The following AGBL1 variants were observed in gnomAD, a reference collection of about 807,000 sequenced individuals.
The protein encoded by AGBL1 is AGBL carboxypeptidase 1, also known as cytosolic carboxypeptidase 4.
In AGBL1, 130 loss-of-function variants were observed where a neutral mutation model predicts 118.9. The observed-to-expected ratio is 1.09, with a 90% CI of 0.95 to 1.26. The LOEUF is 1.26. Among genes scored for constraint, AGBL1 ranks in the 50% most tolerant of loss-of-function variants. The pLI, the probability that AGBL1 is intolerant of heterozygous loss-of-function variation, is 0.00. For synonymous variants in AGBL1, 555 were observed against 478.9 expected, an observed-to-expected ratio of 1.16 and a Z score of -2.08; for missense variants, 1,584 against 1,298.1, an observed-to-expected ratio of 1.22 and a Z score of -3.38.
chr15:86,080,620 A>G (rs569805308), intron 1 of AGBL1, among the ~76,000 whole-genome samples: 5 of 152,258 alleles, frequency 3.3e-5, no homozygotes, highest in African/African-American at 1.2e-4. Flanking sequence ...AATTTTGAGA[A>G]TTCTTGTTCT....
intron 17 of AGBL1, among the ~76,000 whole-genome samples, chr15:86,359,064 T>C: frequency 6.6e-6 from 1 of 152,018 alleles, no homozygotes; most frequent in Non-Finnish European, 1.5e-5. Context: ...TTGTTGACTG[T>C]GCTTTAAGAG....
chr15:86,741,407 A>AAAAAAAAAAAAAAAAAAAAAAAAAAC (rs2077677072), intron 22 of AGBL1, among the ~76,000 whole-genome samples: 1 of 133,062 alleles, frequency 7.5e-6, no homozygotes, highest in Non-Finnish European at 1.6e-5. Context: ...AAAAAAAAAA[A>AAAAAAAAAAAAAAAAAAAAAAAAAAC]AAAAAAAAAA....
intron 18 of AGBL1, among the ~76,000 whole-genome samples, chr15:86,458,929 A>C (rs2082295527): frequency 6.6e-6 from 1 of 152,198 alleles, no homozygotes; most frequent in South Asian, 2.1e-4. Context: ...AGCCTTTATG[A>C]ATTAATTATA....
chr15:86,666,217 G>T (rs1596350417), intron 21 of AGBL1, among the ~76,000 whole-genome samples: 1 of 151,860 alleles, frequency 6.6e-6, no homozygotes, highest in South Asian at 2.1e-4. Flanking sequence ...CTGTCTCTTG[G>T]TCCTAGGATT....
chr15:86,893,862 C>T (rs2080085610), intron 22 of AGBL1, among the ~76,000 whole-genome samples: 1 of 152,146 alleles, frequency 6.6e-6, no homozygotes, highest in African/African-American at 2.4e-5. Flanking sequence ...CTATGGCATT[C>T]ATTTCTATGT....
intron 9 of AGBL1, among the ~76,000 whole-genome samples, chr15:86,259,265 G>A (rs2078945792): frequency 6.6e-6 from 1 of 152,108 alleles, no homozygotes; most frequent in South Asian, 2.1e-4. Context: ...CCTAGTTGAG[G>A]ACTACTGCTC....
chr15:86,192,956 G>GCAC (rs1487943193), intron 5 of AGBL1, among the ~76,000 whole-genome samples: 1 of 151,814 alleles, frequency 6.6e-6, no homozygotes, highest in Non-Finnish European at 1.5e-5. Flanking sequence ...GCACACATAA[G>GCAC]CACCAAAAAG....
At chr15:86,446,926 G>A (rs2082127766) in intron 18 of AGBL1, among the ~76,000 whole-genome samples, 2 of 152,182 alleles carry the variant, frequency 1.3e-5, no homozygotes, top group Non-Finnish European at 2.9e-5. Flanking sequence ...TGTTACAGAA[G>A]CAAATAAAGG....
At chr15:86,414,687 T>G (rs1293399620) in intron 18 of AGBL1, among the ~76,000 whole-genome samples, 1 of 152,198 alleles carries the variant, frequency 6.6e-6, no homozygotes, top group Non-Finnish European at 1.5e-5. Flanking sequence ...TGCCATTTCC[T>G]GAAGTTATTT....
chr15:86,392,616 A>G (rs1376770771), intron 17 of AGBL1, among the ~76,000 whole-genome samples: 1 of 152,182 alleles, frequency 6.6e-6, no homozygotes, highest in Non-Finnish European at 1.5e-5. Context: ...TTGGGTACAC[A>G]TGTTTATCAT....
chr15:86,433,213 C>T (rs2081957176), intron 18 of AGBL1, among the ~76,000 whole-genome samples: 1 of 144,830 alleles, frequency 6.9e-6, no homozygotes, highest in African/African-American at 2.6e-5. Flanking sequence ...TCCTTTCCTC[C>T]TCTTCTTCTT....
chr15:86,235,729 T>G (rs1174966060), intron 6 of AGBL1, among the ~76,000 whole-genome samples: 1 of 152,238 alleles, frequency 6.6e-6, no homozygotes, highest in Non-Finnish European at 1.5e-5. Context: ...CGGGTAAATA[T>G]TTAATTATTC....
At chr15:86,714,696 A>G (rs926333391) in intron 22 of AGBL1, among the ~76,000 whole-genome samples, 2 of 152,168 alleles carry the variant, frequency 1.3e-5, no homozygotes, top group African/African-American at 4.8e-5. Flanking sequence ...CTTGTTGTCA[A>G]TAACCCTCTG....
chr15:86,240,074 G>T (rs546673305), intron 6 of AGBL1, among the ~76,000 whole-genome samples: 20 of 152,276 alleles, frequency 1.3e-4, no homozygotes, highest in Non-Finnish European at 2.4e-4. Context: ...GATTTCATTT[G>T]AATCCTAGAT....
intron 18 of AGBL1, among the ~76,000 whole-genome samples, chr15:86,456,771 G>A (rs2082264611): frequency 6.6e-6 from 1 of 152,114 alleles, no homozygotes; most frequent in South Asian, 2.1e-4. Context: ...TTTAAGAAAG[G>A]AATTGTGATT....
intron 18 of AGBL1, among the ~76,000 whole-genome samples, chr15:86,466,499 T>C (rs972405594): frequency 2.0e-5 from 3 of 152,226 alleles, no homozygotes; most frequent in African/African-American, 7.2e-5. Flanking sequence ...TTCTGTCAAT[T>C]GTCAAACTCA....
chr15:86,776,785 T>A lies in AGBL1; in HGVS notation c.3158+102349T>A, dbSNP rs890857064. Among the ~76,000 whole-genome samples the A allele has an allele frequency of 8.3e-4, 108 of 129,536 alleles. 2 individuals carry two copies. Among genetic ancestry groups the A allele is most frequent in the Middle Eastern group, 4.0e-3 (1 of 248 alleles). The allele number at this position is 129,536 out of a possible 152,430, so 85.0% of individuals were successfully genotyped here. ...GTGTGTGTGTGTGTGTGTGTGTGTGTGTGTGAGAGAGAGAGAGAATTAAGG... is the reference window on the plus strand; with the variant it reads ...GTGTGTGTGTGTGTGTGTGTGTGTGAGTGTGAGAGAGAGAGAGAATTAAGG... On this transcript the variant is annotated intron_variant, in intron 22 of 22. Coordinates refer to ENST00000614907, the MANE Select transcript of AGBL1 (RefSeq NM_001386094.1).
intron 1 of AGBL1, among the ~76,000 whole-genome samples, chr15:86,123,747 A>G (rs1356881278): frequency 1.3e-5 from 2 of 152,244 alleles, no homozygotes; most frequent in Admixed American, 6.5e-5. Flanking sequence ...TAAAGGGTAT[A>G]AAACCAAGCT....
chr15:86,100,487 C>T (rs559701532), intron 1 of AGBL1, among the ~76,000 whole-genome samples: 5 of 152,034 alleles, frequency 3.3e-5, no homozygotes, highest in South Asian at 2.1e-4. Context: ...CCCAGTCTCC[C>T]GTCTTTTGAT....
Sources: gnomAD v4.1 joint callset for allele counts (sites outside exome capture counted in the v4.1 genomes callset) on GRCh38, gnomAD v4.1.1 for gene constraint, MANE v1.5 for transcripts, NCBI Gene and HGNC (gene_info 2026-07-23, HGNC 2026-07-21) for gene names.